The following ATF3 variants were observed in gnomAD, a reference collection of about 807,000 sequenced individuals.
ATF3 encodes the protein cyclic AMP-dependent transcription factor ATF-3.
A neutral mutation model predicts 18.4 loss-of-function variants in ATF3; 10 were observed. The observed-to-expected ratio is 0.54, with a 90% CI of 0.34 to 0.92. The LOEUF (loss-of-function observed/expected upper bound fraction) is 0.92. Among genes scored for constraint, ATF3 ranks in the 40% least tolerant of loss-of-function variants. The probability of loss-of-function intolerance (pLI) is 0.02; values close to 1 mark genes in which losing one functional copy is unlikely to be tolerated. For synonymous variants in ATF3, 78 were observed against 87.9 expected (o/e 0.89, Z 0.63); for missense variants, 183 against 222.3 (o/e 0.82, Z 1.12).
chr1:212,579,143 C>G (rs1664635155), intron 1 of ATF3, among the ~76,000 whole-genome samples: 2 of 151,630 alleles, frequency 1.3e-5, no homozygotes, highest in Admixed American at 6.6e-5. Flanking sequence ...TCCCGAGTAG[C>G]TGGGATTACG....
At chr1:212,586,305 T>G (rs918130273) in intron 1 of ATF3, among the ~76,000 whole-genome samples, 1 of 152,122 alleles carries the variant, frequency 6.6e-6, no homozygotes, top group Non-Finnish European at 1.5e-5. Flanking sequence ...CCCCTATGTC[T>G]CCCTCTCCCC....
chr1:212,601,108 G>C (rs1293065667), intron 1 of ATF3, among the ~76,000 whole-genome samples: 2 of 152,112 alleles, frequency 1.3e-5, no homozygotes, highest in Admixed American at 6.6e-5. Context: ...GACTCACTTT[G>C]CCCTCAGCCA....
intron 1 of ATF3, among the ~76,000 whole-genome samples, chr1:212,597,384 G>C (rs1370358094): frequency 6.6e-6 from 1 of 151,990 alleles, no homozygotes; most frequent in Non-Finnish European, 1.5e-5. Context: ...ATTTACTAAT[G>C]TGTTGTTATA....
intron 1 of ATF3, chr1:212,613,984 A>G (rs1050711214): frequency 3.3e-5 from 5 of 152,248 alleles, no homozygotes; most frequent in Non-Finnish European, 7.3e-5. Flanking sequence ...GGAATGAGAA[A>G]GGTAACCTTG....
chr1:212,620,409 T>G lies in ATF3; in HGVS notation c.*854T>G, dbSNP rs2102669955. On this transcript the variant is annotated 3_prime_UTR_variant, in exon 4 of 4. Coordinates refer to ENST00000341491, the MANE Select transcript of ATF3 (RefSeq NM_001674.4). ...TGTCTAGGCTGGAAGAGCCAAAGAA[T>G]ATTCCATTTTCCTTTCCTTGTGGTT... 6.5e-6 allele frequency: 1 copy of G among 152,798 alleles called. No homozygotes were observed. The highest frequency in any genetic ancestry group is 1.9e-4 in the East Asian group (1 of 5,186). The allele number at this position is 152,798 out of a possible 1,614,324, so 9.5% of individuals were successfully genotyped here.
intron 1 of ATF3, among the ~76,000 whole-genome samples, chr1:212,583,257 T>C (rs1181445067): frequency 6.6e-6 from 1 of 152,132 alleles, no homozygotes; most frequent in Non-Finnish European, 1.5e-5. Context: ...GGGATCTCGC[T>C]ATGTTGCCCA....
intron 1 of ATF3, among the ~76,000 whole-genome samples, chr1:212,579,229 C>T (rs1047686125): frequency 1.3e-5 from 2 of 152,048 alleles, no homozygotes; most frequent in Non-Finnish European, 2.9e-5. Context: ...CCAGGCTGGT[C>T]TCAAACTCCT....
intron 1 of ATF3, among the ~76,000 whole-genome samples, chr1:212,591,887 C>T (rs932610429): frequency 6.6e-5 from 10 of 152,020 alleles, no homozygotes; most frequent in Non-Finnish European, 1.2e-4. Flanking sequence ...TGCAATGGAG[C>T]GATCTCGGAT....
intron 1 of ATF3, among the ~76,000 whole-genome samples, chr1:212,600,240 G>A (rs1056098101): frequency 6.6e-6 from 1 of 152,164 alleles, no homozygotes; most frequent in African/African-American, 2.4e-5. Flanking sequence ...CAGTCTTCCT[G>A]AAAAACATCT....
At chr1:212,587,539 A>G (rs1664801676) in intron 1 of ATF3, among the ~76,000 whole-genome samples, 1 of 152,206 alleles carries the variant, frequency 6.6e-6, no homozygotes, top group Admixed American at 6.5e-5. Flanking sequence ...GGCTGGACTC[A>G]GGGAAGCTGC....
intron 1 of ATF3, among the ~76,000 whole-genome samples, chr1:212,574,056 G>T: frequency 6.6e-6 from 1 of 150,516 alleles, no homozygotes; most frequent in African/African-American, 2.4e-5. Context: ...GTTAGTTTTG[G>T]TTTTGCCTTT....
In ATF3 at chr1:212,598,359, T is replaced by C. The variant is rs543049892; in HGVS notation, c.-4-16659T>C. ...TTTATGGGTACATAGTAAGTGTGTA[T>C]GTTTATGGGGTACATGAGATACTTT... On this transcript the variant is annotated intron_variant, in intron 1 of 3. Transcript: ENST00000366981. Among the ~76,000 whole-genome samples the C allele has an allele frequency of 7.8e-4, 119 of 152,356 alleles. 1 individual carries two copies. The highest frequency in any genetic ancestry group is 2.8e-3 in the African/African-American group (118 of 41,586).
intron 1 of ATF3, among the ~76,000 whole-genome samples, chr1:212,569,603 G>A (rs1664444401): frequency 6.6e-6 from 1 of 151,780 alleles, no homozygotes; most frequent in African/African-American, 2.4e-5. Flanking sequence ...ATTTTTTTTT[G>A]GCTTTTTTTT....
upstream of ATF3, among the ~76,000 whole-genome samples, chr1:212,605,324 C>T (rs961612707): frequency 6.6e-6 from 1 of 152,186 alleles, no homozygotes; most frequent in Non-Finnish European, 1.5e-5. Flanking sequence ...CAATTTTGGA[C>T]ACTATTAAAC....
At chr1:212,591,290 C>T (rs1219334167) in intron 1 of ATF3, among the ~76,000 whole-genome samples, 1 of 152,202 alleles carries the variant, frequency 6.6e-6, no homozygotes, top group Non-Finnish European at 1.5e-5. Context: ...CTGTTCTTGC[C>T]AGCCTGTGAC....
chr1:212,604,718 C>A (rs1441682087), upstream of ATF3, among the ~76,000 whole-genome samples: 2 of 152,140 alleles, frequency 1.3e-5, no homozygotes, highest in African/African-American at 4.8e-5. Flanking sequence ...GGCAGAGGGT[C>A]CCCATTCAGG....
At chr1:212,607,135 G>T (rs1044851676), upstream of ATF3, among the ~76,000 whole-genome samples, 8 of 152,144 alleles carry the variant, frequency 5.3e-5, no homozygotes, top group Non-Finnish European at 1.2e-4. Context: ...GTGGAGAGGT[G>T]GGTGGTCTGA....
intron 1 of ATF3, among the ~76,000 whole-genome samples, chr1:212,587,789 G>A (rs1250676028): frequency 1.3e-5 from 2 of 152,076 alleles, no homozygotes; most frequent in South Asian, 2.1e-4. Flanking sequence ...AACTCTGCAG[G>A]GATTTAAAAA....
chr1:212,580,463 T>C lies in ATF3; in HGVS notation c.-5+14980T>C, dbSNP rs141878203. 5.7e-3 allele frequency among the ~76,000 whole-genome samples: 873 copies of C among 152,104 alleles called. 7 individuals carry two copies. The highest frequency in any genetic ancestry group is 0.02 in the African/African-American group (817 of 41,498). On this transcript the variant is annotated intron_variant, in intron 1 of 3. Coordinates refer to the ATF3 transcript ENST00000366981. ...CTGAGTAGGTAGCACTACAGGTGCATACCACCACACCAGGCTAATTTTTGT... is the reference window on the plus strand; with the variant it reads ...CTGAGTAGGTAGCACTACAGGTGCACACCACCACACCAGGCTAATTTTTGT...
Sources: gnomAD v4.1 joint callset for allele counts (sites outside exome capture counted in the v4.1 genomes callset) on GRCh38, gnomAD v4.1.1 for gene constraint, MANE v1.5 for transcripts, NCBI Gene and HGNC (gene_info 2026-07-23, HGNC 2026-07-21) for gene names.